The following UTP25 variants were observed in gnomAD, a reference collection of about 807,000 sequenced individuals.
The protein encoded by UTP25 is U3 small nucleolar RNA-associated protein 25 homolog.
In UTP25, 50 loss-of-function variants were observed where a neutral mutation model predicts 78.9. The ratio of observed to expected loss-of-function variants is 0.63; its 90% CI spans 0.50 to 0.80. The LOEUF is 0.80. Ranked by LOEUF, UTP25 falls within the 30% of genes least tolerant of loss-of-function variation. The pLI is 0.00. For missense variants in UTP25, 846 were observed against 911.3 expected, an observed-to-expected ratio of 0.93 and a Z score of 0.92; for synonymous variants, 329 against 336.5, an observed-to-expected ratio of 0.98 and a Z score of 0.24.
Position 209,833,371 on chromosome 1 carries a change from T to C in UTP25, c.562+13T>C. ...AAAGCCTCTCAAGGTCATAGCACAG[T>C]GTGTGTTATTTGAATTCACCAGGTG... On this transcript the variant is annotated intron_variant, in intron 4 of 11. Coordinates refer to ENST00000491415, the MANE Select transcript of UTP25 (RefSeq NM_014388.7). 6.6e-7 allele frequency: 1 copy of C among 1,514,644 alleles called. No individual in the cohort carries two copies. Among genetic ancestry groups the C allele is most frequent in the East Asian group, 2.3e-5 (1 of 42,656 alleles). The allele number at this position is 1,514,644 out of a possible 1,614,324, so 93.8% of individuals were successfully genotyped here.
intron 10 of UTP25, 130 bp downstream of exon 10, chr1:209,842,825 A>G (rs2078175486): frequency 3.0e-6 from 2 of 671,942 alleles, no homozygotes; most frequent in Non-Finnish European, 5.1e-6. Flanking sequence ...ATTGAACTTA[A>G]TTATGTCATT....
chr1:209,845,463 CTGTGAATTAAGCTGGGA>C (rs2078192076), intron 11 of UTP25, among the ~76,000 whole-genome samples: 1 of 152,204 alleles, frequency 6.6e-6, no homozygotes. Flanking sequence ...TCTATGGCAA[CTGTGAATTAAGCTGGGA>C]TGGGAATTAA....
Position 209,851,426 on chromosome 1 carries a change from C to T in UTP25, c.2250C>T (p.Leu750=). 1 of 1,605,916 alleles carries T rather than the reference C, an allele frequency of 6.2e-7. No homozygotes were observed. Among genetic ancestry groups the T allele is most frequent in the Non-Finnish European group, 8.5e-7 (1 of 1,176,526 alleles). ...TACAGTCCAACAAGAATGTCCACCT[C>T]TTCATTACTGGAGAAAAATGAAATT... The part of the protein sequence containing the change: ...QMLQSNKNVH[L]FITGEK Residue 750 remains leucine (L), a synonymous_variant, in exon 12 of 12, where the codon CTC becomes CTT. Transcript: ENST00000491415.
At chr1:209,830,173 T>A (rs1221450130) in intron 2 of UTP25, 26 bp downstream of exon 2, 2 of 1,603,882 alleles carry the variant, frequency 1.2e-6, no homozygotes, top group Non-Finnish European at 1.7e-6. Context: ...TTCTTTTTAA[T>A]AGTTGGTTTT....
chr1:209,851,294 C>T lies in UTP25; in HGVS notation c.2118C>T (p.Ala706=), dbSNP rs772843818. 8 of 1,614,160 alleles carry T rather than the reference C, an allele frequency of 5.0e-6. No homozygotes were observed. The highest frequency in any genetic ancestry group is 6.8e-6 in the Non-Finnish European group (8 of 1,180,030). ...GTGAAATCTGTAATATGCTGAGAGC[C>T]ACCAACAGAGGAGAAGAGGCCACGT... ...FYSEICNMLR[A]TNRGEEATWT... Residue 706 remains alanine, a synonymous_variant, in exon 12 of 12, where the codon GCC becomes GCT. Coordinates refer to ENST00000491415, the MANE Select transcript of UTP25 (RefSeq NM_014388.7).
chr1:209,850,261 G>A lies in UTP25; in HGVS notation c.2028-943G>A, dbSNP rs146008260. On this transcript the variant is annotated intron_variant, in intron 11 of 11. Transcript: ENST00000491415. ...TAGTGAGGTAGAACAGTTTATTCAA[G>A]TTCATTAGCCGTTAGAATTCCTTCT... is the stretch of plus-strand genomic sequence containing the variant. 2.5e-3 allele frequency among the ~76,000 whole-genome samples: 375 copies of A among 152,280 alleles called. 2 individuals carry two copies. The highest frequency in any genetic ancestry group is 8.6e-3 in the African/African-American group (358 of 41,550).
Position 209,846,185 on chromosome 1 carries a change from G to A in UTP25, c.2027+2489G>A, listed in dbSNP as rs571240181. ...AAATGTACATGTATTTTATATTGTA[G>A]TATCTGACTCTGTTTTTATATTCTC... On this transcript the variant is annotated intron_variant, in intron 11 of 11. Coordinates refer to ENST00000491415, the MANE Select transcript of UTP25 (RefSeq NM_014388.7). Among the ~76,000 whole-genome samples, 14 of 152,186 alleles carry A rather than the reference G, an allele frequency of 9.2e-5. No individual in the cohort carries two copies. In the East Asian group the frequency reaches 2.3e-3, roughly 25 times the overall value.
chr1:209,839,042 A>G lies in UTP25; in HGVS notation c.1196A>G (p.Asp399Gly), dbSNP rs2078151258. ...AGGTTTCAGGGAGAATATGGATCAG[A>G]TCCCGAGGAGAGACCACCCAACTTG... ...KKRFQGEYGS[D>G]PEERPPNLKR... The change falls in exon 7 of 12, where the codon GAT (aspartate) becomes GGT (glycine). Residue 399 changes from aspartate (D) to glycine (G), a missense_variant. By Grantham distance (94) the Asp-to-Gly change is moderately conservative (BLOSUM62 -1). Transcript: ENST00000491415. 1.2e-6 allele frequency: 2 copies of G among 1,614,046 alleles called. No individual in the cohort carries two copies. The highest frequency in any genetic ancestry group is 2.2e-5 in the South Asian group (2 of 91,088).
intron 6 of UTP25, chr1:209,838,706 A>G: frequency 1.6e-6 from 1 of 617,770 alleles, no homozygotes; most frequent in Non-Finnish European, 2.9e-6. Context: ...TGAAGTCCGC[A>G]GGTCATGGTG....
At chr1:209,843,212 C>A (rs2102577882) in intron 10 of UTP25, 2 of 546,380 alleles carry the variant, frequency 3.7e-6, no homozygotes, top group South Asian at 2.2e-5. Flanking sequence ...TAGAGTAATT[C>A]TCTGGGATAT....
Position 209,836,787 on chromosome 1 carries a change from T to C in UTP25, c.652-14T>C. 1 of 1,565,606 alleles carries C rather than the reference T, an allele frequency of 6.4e-7. No individual in the cohort carries two copies. On this transcript the variant is annotated splice_polypyrimidine_tract_variant and intron_variant, in intron 5 of 11. Coordinates refer to ENST00000491415, the MANE Select transcript of UTP25 (RefSeq NM_014388.7). Reference sequence around the variant, plus strand: ...TTCATTTCTAATTTGGCTCTTGATCTGTTTCTCCCCTAGTGGCCTATTCTG... The same window carrying C: ...TTCATTTCTAATTTGGCTCTTGATCCGTTTCTCCCCTAGTGGCCTATTCTG...
chr1:209,838,813 A>C, intron 6 of UTP25, 96 bp from the exon 7 acceptor site: 14 of 1,364,860 alleles, frequency 1.0e-5, no homozygotes, highest in Non-Finnish European at 1.5e-5. Context: ...CCACTGCTCT[A>C]CATGGAGCTT....
intron 4 of UTP25, 125 bp from the exon 5 acceptor site, chr1:209,834,950 T>A: frequency 1.5e-6 from 1 of 671,450 alleles, no homozygotes; most frequent in Non-Finnish European, 2.5e-6. Flanking sequence ...GGCCAGAGGG[T>A]GGGGAAAGTC....
chr1:209,843,558 A>G lies in UTP25; in HGVS notation c.1889A>G (p.Tyr630Cys). 2 of 1,614,190 alleles carry G rather than the reference A, an allele frequency of 1.2e-6. No individual in the cohort carries two copies. The highest frequency in any genetic ancestry group is 1.7e-6 in the Non-Finnish European group (2 of 1,180,028). Residue 630 changes from tyrosine (Y) to cysteine (C), a missense_variant, in exon 11 of 12, where the codon TAC (tyrosine) becomes TGC (cysteine). Transcript: ENST00000491415. ...TTTGACTTCGTGCGTCTTCGAAATT[A>G]CTTCAAGAAGGAGGAATTGAATTTT... Reference protein sequence around the residue: ...SYFDFVRLRNYFKKEELNFTH... With the variant: ...SYFDFVRLRNCFKKEELNFTH...
At chr1:209,836,772 A>G (rs779739167) in intron 5 of UTP25, 29 bp from the exon 6 acceptor site, 3 of 1,553,832 alleles carry the variant, frequency 1.9e-6, no homozygotes, top group South Asian at 1.2e-5. Context: ...TTCATTTCTA[A>G]TTTGGCTCTT....
At chr1:209,829,215 ATTCTTTGCG>A (rs947833682) in intron 1 of UTP25, among the ~76,000 whole-genome samples, 1 of 152,204 alleles carries the variant, frequency 6.6e-6, no homozygotes, top group Non-Finnish European at 1.5e-5. Context: ...TCAAACATCA[ATTCTTTGCG>A]TTGGGAACAT....
chr1:209,839,699 G>C (rs1301401848), intron 7 of UTP25, among the ~76,000 whole-genome samples: 2 of 152,158 alleles, frequency 1.3e-5, no homozygotes, highest in Non-Finnish European at 2.9e-5. Flanking sequence ...AGTCACATAT[G>C]CTCATTCACA....
chr1:209,849,112 C>T (rs1019044391), intron 11 of UTP25, among the ~76,000 whole-genome samples: 1 of 152,124 alleles, frequency 6.6e-6, no homozygotes, highest in Non-Finnish European at 1.5e-5. Flanking sequence ...CTTGTTTCTC[C>T]TTGCAAGGCA....
chr1:209,828,736 A>G (rs1052362698), intron 1 of UTP25, among the ~76,000 whole-genome samples: 1 of 144,322 alleles, frequency 6.9e-6, no homozygotes, highest in Admixed American at 7.0e-5. Flanking sequence ...TCAGAGATCT[A>G]GGAATTTTTT....
Sources: allele counts gnomAD v4.1 joint callset (sites outside exome capture counted in the v4.1 genomes callset), GRCh38; gene constraint gnomAD v4.1.1; transcripts MANE v1.5; gene names NCBI Gene and HGNC (gene_info 2026-07-23, HGNC 2026-07-21).